Variants in FARS2 observed in about 807,000 individuals in gnomAD.
FARS2 encodes phenylalanine--tRNA ligase, mitochondrial.
In FARS2, 40 loss-of-function variants were observed where a neutral mutation model predicts 46.4. The observed-to-expected ratio is 0.86, with a 90% confidence interval of 0.67 to 1.12. FARS2 has a LOEUF of 1.12. FARS2 is among the 50% of genes most tolerant of loss of function. FARS2 has a pLI of 0.00. For synonymous variants in FARS2, 234 were observed against 214.9 expected, an observed-to-expected ratio of 1.09 and a Z score of -0.78; for missense variants, 513 against 567.9, an observed-to-expected ratio of 0.90 and a Z score of 0.98.
At chr6:5,574,845 A>G (rs1471596687) in intron 5 of FARS2, among the ~76,000 whole-genome samples, 1 of 152,164 alleles carries the variant, frequency 6.6e-6, no homozygotes. Flanking sequence ...AGATAACGAA[A>G]CCTGTACATA....
At chr6:5,401,210 A>G (rs1466445043) in intron 2 of FARS2, among the ~76,000 whole-genome samples, 1 of 152,064 alleles carries the variant, frequency 6.6e-6, no homozygotes, top group Admixed American at 6.5e-5. Flanking sequence ...TTGTGGTGTT[A>G]TATATGTCAT....
In FARS2 at chr6:5,525,046, G is replaced by T. The variant is rs542846837; in HGVS notation, c.905-20134G>T. On this transcript the variant is annotated intron_variant, in intron 4 of 6. Transcript: ENST00000274680. Reference sequence around the variant, plus strand: ...TGAGCAGGGAATGGCCAATAAATAGGCCTCTGTAGAATGCAAAAGGGTGGT... The same window carrying T: ...TGAGCAGGGAATGGCCAATAAATAGTCCTCTGTAGAATGCAAAAGGGTGGT... Among the ~76,000 whole-genome samples the T allele has an allele frequency of 2.2e-4, 34 of 152,034 alleles. 1 individual carries two copies. The South Asian group carries it at 6.9e-3, about 31-fold the overall frequency.
intron 6 of FARS2, among the ~76,000 whole-genome samples, chr6:5,637,946 C>T (rs1207244607): frequency 2.6e-5 from 4 of 152,180 alleles, no homozygotes. Context: ...GCAGTTAGGA[C>T]TGCAACATAC....
At chr6:5,359,030 C>CTTTTTTTTTTTTTTTTTTTTTT (rs397888425) in intron 1 of FARS2, among the ~76,000 whole-genome samples, 1 of 45,406 alleles carries the variant, frequency 2.2e-5, no homozygotes, top group Non-Finnish European at 4.4e-5. Context: ...AAAAGATACC[C>CTTTTTTTTTTTTTTTTTTTTTT]TTTTTTTTTT....
At chr6:5,332,430 A>G (rs1770861433) in intron 1 of FARS2, among the ~76,000 whole-genome samples, 1 of 152,238 alleles carries the variant, frequency 6.6e-6, no homozygotes, top group African/African-American at 2.4e-5. Flanking sequence ...ATGGTTATAA[A>G]AAAGAAATGA....
Position 5,343,501 on chromosome 6 carries a change from C to T in FARS2, c.-21-25049C>T, listed in dbSNP as rs1757026576. 6.6e-6 allele frequency among the ~76,000 whole-genome samples: 1 copy of T among 152,162 alleles called. No homozygotes were observed. Among genetic ancestry groups the T allele is most frequent in the East Asian group, 1.9e-4 (1 of 5,202 alleles). The stretch of plus-strand genomic sequence containing the variant: ...TGCTGGGATTACAGGCGTGAACCAC[C>T]GCGCCTGGCCTACATTTCAGTTATT... On this transcript the variant is annotated intron_variant, in intron 1 of 6. Transcript: ENST00000274680. This position sits in a 1 kb window ranked among gnomAD's most constrained non-coding sequence, Gnocchi z 4.5.
chr6:5,502,154 C>T (rs545978056), intron 4 of FARS2, among the ~76,000 whole-genome samples: 1 of 152,342 alleles, frequency 6.6e-6, no homozygotes, highest in Non-Finnish European at 1.5e-5. Context: ...TGTGGTCTCT[C>T]AGCCAGCTGT....
At chr6:5,758,874 C>G (rs1762346431) in intron 6 of FARS2, among the ~76,000 whole-genome samples, 1 of 152,064 alleles carries the variant, frequency 6.6e-6, no homozygotes, top group African/African-American at 2.4e-5. Flanking sequence ...ATGTGGGGTC[C>G]TCTTGCCCCT....
At position 5,624,833 on chromosome 6, in the gene FARS2, G is replaced by A. The variant is rs368018693; in HGVS notation, c.1217+11513G>A. On this transcript the variant is annotated intron_variant, in intron 6 of 6. Transcript: ENST00000274680. ...GGTAGGGTGGGGCGGCCCCGCCCCC[G>A]CCCCCTCATTTTGGGCAGTTATGAG... 0.013 allele frequency among the ~76,000 whole-genome samples: 1,146 copies of A among 87,214 alleles called. 22 individuals carry two copies. In the South Asian group the frequency reaches 0.15, roughly 11 times the overall value. 57.2% of individuals were successfully genotyped at this position (87,214 alleles called of 152,430 possible).
At chr6:5,292,310 C>A (rs1581706878) in intron 1 of FARS2, among the ~76,000 whole-genome samples, 1 of 152,206 alleles carries the variant, frequency 6.6e-6, no homozygotes, top group East Asian at 1.9e-4. Flanking sequence ...TGTTTTAGAT[C>A]ATTTTGACAG....
intron 5 of FARS2, among the ~76,000 whole-genome samples, chr6:5,607,983 ATTTT>A (rs5873988): frequency 3.4e-4 from 50 of 146,296 alleles, no homozygotes; most frequent in South Asian, 1.3e-3. Context: ...TTGGGCATGT[ATTTT>A]TTTTTTTTTT....
chr6:5,502,836 G>A (rs1310207408), intron 4 of FARS2, among the ~76,000 whole-genome samples: 1 of 152,112 alleles, frequency 6.6e-6, no homozygotes, highest in East Asian at 1.9e-4. Flanking sequence ...AAGTGATCCT[G>A]CCAATTTTAT....
At chr6:5,300,075 C>T (rs1768188446) in intron 1 of FARS2, among the ~76,000 whole-genome samples, 1 of 151,542 alleles carries the variant, frequency 6.6e-6, no homozygotes, top group African/African-American at 2.4e-5. Flanking sequence ...TTTTATTTAC[C>T]TATGATTTTA....
chr6:5,353,614 T>C (rs1331167137), intron 1 of FARS2, among the ~76,000 whole-genome samples: 1 of 152,204 alleles, frequency 6.6e-6, no homozygotes, highest in Non-Finnish European at 1.5e-5. Context: ...ATTGTGGTTT[T>C]GATTTGCATT....
intron 6 of FARS2, among the ~76,000 whole-genome samples, chr6:5,662,580 C>G (rs1777900849): frequency 6.6e-6 from 1 of 152,212 alleles, no homozygotes; most frequent in South Asian, 2.1e-4. Context: ...TTTGAACTAA[C>G]TCAGGGACGG....
intron 5 of FARS2, among the ~76,000 whole-genome samples, chr6:5,569,398 G>A (rs1007658266): frequency 4.6e-5 from 7 of 151,940 alleles, no homozygotes; most frequent in East Asian, 1.9e-4. Flanking sequence ...CCCCATGCCC[G>A]GCTAATTTTT....
chr6:5,338,768 T>C (rs1771348607), intron 1 of FARS2, among the ~76,000 whole-genome samples: 1 of 152,206 alleles, frequency 6.6e-6, no homozygotes, highest in Admixed American at 6.5e-5. Flanking sequence ...ACATTCTCCG[T>C]GAATCTGCAG....
At chr6:5,442,612 C>A (rs1763904642) in intron 4 of FARS2, among the ~76,000 whole-genome samples, 1 of 152,136 alleles carries the variant, frequency 6.6e-6, no homozygotes, top group African/African-American at 2.4e-5. Context: ...ATATTTTCAG[C>A]ATTGGGATTC....
At chr6:5,322,964 T>C (rs1022621702) in intron 1 of FARS2, among the ~76,000 whole-genome samples, 1 of 152,160 alleles carries the variant, frequency 6.6e-6, no homozygotes. Flanking sequence ...CAGCGATAGC[T>C]CCCATCTTCA....
Sources: allele counts gnomAD v4.1 joint callset (sites outside exome capture counted in the v4.1 genomes callset), GRCh38; gene constraint gnomAD v4.1.1; non-coding constraint Gnocchi (gnomAD v3.1); transcripts MANE v1.5; gene names NCBI Gene and HGNC (gene_info 2026-07-23, HGNC 2026-07-21).